Variants in AUH observed in about 807,000 individuals in gnomAD.
AUH encodes the protein methylglutaconyl-CoA hydratase, mitochondrial.
Under a neutral mutation model 42.3 loss-of-function variants are expected in AUH, and 29 were observed. The observed-to-expected ratio is 0.69, with a 90% confidence interval of 0.51 to 0.93. The LOEUF (loss-of-function observed/expected upper bound fraction) is 0.93. Ranked by LOEUF, AUH falls within the 40% of genes least tolerant of loss-of-function variation. AUH has a pLI of 0.00. For synonymous variants in AUH, 174 were observed against 166.4 expected (o/e 1.05, Z -0.35); for missense variants, 452 against 438.1 (o/e 1.03, Z -0.28).
At chr9:91,250,451 C>T (rs534897987) in intron 6 of AUH, among the ~76,000 whole-genome samples, 1 of 152,334 alleles carries the variant, frequency 6.6e-6, no homozygotes, top group African/African-American at 2.4e-5. Context: ...GGAGAACTTG[C>T]CCCTTGCCTT....
At chr9:91,355,460 G>A (rs896953047) in intron 3 of AUH, among the ~76,000 whole-genome samples, 3 of 152,158 alleles carry the variant, frequency 2.0e-5, no homozygotes, top group African/African-American at 7.2e-5. Context: ...GGGGGGCTGA[G>A]GCGGGAGAAT....
chr9:91,235,861 T>C (rs78162285), intron 6 of AUH, among the ~76,000 whole-genome samples: 6,232 of 152,238 alleles, frequency 0.041, 258 homozygotes, highest in African/African-American at 0.11. Context: ...CTTAGAGCTA[T>C]GGCAGCCACC....
At chr9:91,270,000 C>T (rs560541110) in intron 6 of AUH, among the ~76,000 whole-genome samples, 1 of 152,326 alleles carries the variant, frequency 6.6e-6, no homozygotes, top group Admixed American at 6.5e-5. Flanking sequence ...GGAGTTTAAA[C>T]TGGCATCAAA....
intron 6 of AUH, among the ~76,000 whole-genome samples, chr9:91,280,573 A>C (rs1389202250): frequency 6.6e-6 from 1 of 152,236 alleles, no homozygotes; most frequent in Non-Finnish European, 1.5e-5. Flanking sequence ...ACACATAAAT[A>C]AAGCTAATTT....
At chr9:91,290,646 T>C (rs750418380) in intron 6 of AUH, among the ~76,000 whole-genome samples, 12 of 152,144 alleles carry the variant, frequency 7.9e-5, no homozygotes, top group Non-Finnish European at 1.2e-4. Flanking sequence ...GGGAAAAAAT[T>C]CTAGTTTCTA....
chr9:91,354,280 G>C (rs199730799), intron 3 of AUH, among the ~76,000 whole-genome samples: 1 of 152,070 alleles, frequency 6.6e-6, no homozygotes, highest in African/African-American at 2.4e-5. Context: ...CTATAATTAA[G>C]ACACTGACTT....
intron 4 of AUH, among the ~76,000 whole-genome samples, chr9:91,300,189 C>A (rs1827674064): frequency 2.0e-5 from 3 of 152,064 alleles, no homozygotes; most frequent in Admixed American, 2.0e-4. Context: ...CTGGTAATTT[C>A]TCAGCCTTCT....
intron 6 of AUH, among the ~76,000 whole-genome samples, chr9:91,292,896 T>C (rs982132685): frequency 6.6e-6 from 1 of 152,200 alleles, no homozygotes; most frequent in African/African-American, 2.4e-5. Context: ...TGGCACCATT[T>C]TTCCAACAGT....
chr9:91,222,299 C>G (rs556775969), intron 6 of AUH, among the ~76,000 whole-genome samples: 1 of 152,256 alleles, frequency 6.6e-6, no homozygotes, highest in South Asian at 2.1e-4. Context: ...GTTGGAAGAA[C>G]AGAGCTTAAG....
intron 6 of AUH, among the ~76,000 whole-genome samples, chr9:91,277,026 A>T (rs916864362): frequency 1.3e-5 from 2 of 152,102 alleles, no homozygotes; most frequent in African/African-American, 4.8e-5. Context: ...TCTCCACAAA[A>T]ATTTTTTTAA....
chr9:91,345,272 A>C (rs1831409674), intron 3 of AUH, among the ~76,000 whole-genome samples: 1 of 152,186 alleles, frequency 6.6e-6, no homozygotes, highest in Non-Finnish European at 1.5e-5. Flanking sequence ...TTCACAAATG[A>C]CTTGACTACC....
rs1166509543 is a variant in AUH at position 91,356,102 on chromosome 9, T to G, written c.316A>C (p.Asn106His). Residue 106 changes from asparagine (N) to histidine (H), a missense_variant, in exon 2 of 10, where the codon AAT becomes CAT. By Grantham distance (68) the Asn-to-His change is moderately conservative. Coordinates refer to ENST00000375731, the MANE Select transcript of AUH (RefSeq NM_001698.3). ...RAYGKNSLSK[N>H]LIKMLSKAVD... Reference sequence around the variant, plus strand: ...TTTACACTCACCATTTTTATAAGATTTTTACTGAGTGAATTTTTGCCATAA... The same window carrying G: ...TTTACACTCACCATTTTTATAAGATGTTTACTGAGTGAATTTTTGCCATAA... 1 of 1,613,478 alleles carries G rather than the reference T, an allele frequency of 6.2e-7. No individual in the cohort carries two copies. Among genetic ancestry groups the G allele is most frequent in the African/African-American group, 1.3e-5 (1 of 74,922 alleles).
At chr9:91,351,934 T>C (rs910707831) in intron 3 of AUH, among the ~76,000 whole-genome samples, 2 of 152,188 alleles carry the variant, frequency 1.3e-5, no homozygotes, top group African/African-American at 4.8e-5. Flanking sequence ...CAATGCTAAG[T>C]ATTTATATGT....
At chr9:91,272,666 A>C (rs987846304) in intron 6 of AUH, among the ~76,000 whole-genome samples, 2 of 152,190 alleles carry the variant, frequency 1.3e-5, no homozygotes, top group Non-Finnish European at 2.9e-5. Flanking sequence ...GGTCTAACAT[A>C]GTATATATTT....
At chr9:91,320,571 A>G (rs553701076) in intron 4 of AUH, among the ~76,000 whole-genome samples, 4 of 152,354 alleles carry the variant, frequency 2.6e-5, no homozygotes, top group Non-Finnish European at 4.4e-5. Flanking sequence ...TCTGACCACA[A>G]GGCATCCCTG....
In AUH at chr9:91,361,710, AC is replaced by A. The variant is rs1411001024; in HGVS notation, c.179del (p.Gly60ValfsTer12). On this transcript the variant is annotated frameshift_variant, in exon 1 of 10. Coordinates refer to ENST00000375731, the MANE Select transcript of AUH (RefSeq NM_001698.3). LOFTEE classifies it high-confidence loss of function. ...AGCTGTAGCCCCTTTTCGGGGCGGG[AC>A]CCCCGGCCGCAGGTACCCAGCCCTG... ...WAQGWVPAAG[G>X]PAPKRGYSSE... 1.3e-6 allele frequency: 2 copies of A among 1,552,508 alleles called. No homozygotes were observed. Among genetic ancestry groups the A allele is most frequent in the East Asian group, 2.4e-5 (1 of 41,230 alleles).
chr9:91,324,813 C>T (rs1168668912), intron 4 of AUH, among the ~76,000 whole-genome samples: 1 of 151,118 alleles, frequency 6.6e-6, no homozygotes, highest in Non-Finnish European at 1.5e-5. Context: ...AGAATCTATG[C>T]TTATGTACAA....
At chr9:91,220,509 A>G (rs1327370842) in intron 7 of AUH, among the ~76,000 whole-genome samples, 1 of 152,210 alleles carries the variant, frequency 6.6e-6, no homozygotes, top group Non-Finnish European at 1.5e-5. Flanking sequence ...TCAGCTGGTG[A>G]GCAAATTAAA....
Position 91,361,622 on chromosome 9 carries a change from C to T in AUH, c.262+6G>A. On this transcript the variant is annotated splice_donor_region_variant and intron_variant, in intron 1 of 9. Coordinates refer to ENST00000375731, the MANE Select transcript of AUH (RefSeq NM_001698.3). ...GCCCCGCGCCTGCCCAGCGTTCGCA[C>T]CTCACCTCGGTTCTCCTCCTCCAGG... The T allele has an allele frequency of 1.3e-6, 2 of 1,578,532 alleles. No homozygotes were observed. The highest frequency in any genetic ancestry group is 2.3e-5 in the South Asian group (2 of 85,940).
Sources: allele counts gnomAD v4.1 joint callset (sites outside exome capture counted in the v4.1 genomes callset), GRCh38; gene constraint gnomAD v4.1.1; transcripts MANE v1.5; gene names NCBI Gene and HGNC (gene_info 2026-07-23, HGNC 2026-07-21).